EPHA5: variants seen among roughly 807,000 people sequenced by gnomAD.
EPHA5 encodes EPH receptor A5, also known as ephrin type-A receptor 5.
A neutral mutation model predicts 105.0 loss-of-function variants in EPHA5; 60 were observed. The ratio of observed to expected loss-of-function variants is 0.57; its 90% confidence interval spans 0.46 to 0.71. The LOEUF (loss-of-function observed/expected upper bound fraction) is 0.71. EPHA5 is among the 30% of genes least tolerant of loss of function. The pLI, the probability that EPHA5 is intolerant of heterozygous loss-of-function variation, is 0.00. For synonymous variants in EPHA5, 513 were observed against 449.1 expected, an observed-to-expected ratio of 1.14 and a Z score of -1.80; for missense variants, 1,218 against 1,274.7, an observed-to-expected ratio of 0.96 and a Z score of 0.68.
intron 5 of EPHA5, among the ~76,000 whole-genome samples, chr4:65,479,278 A>G (rs1425547685): frequency 6.6e-6 from 1 of 152,180 alleles, no homozygotes; most frequent in South Asian, 2.1e-4. Flanking sequence ...AGGCCCTGTG[A>G]TATTTACGTA....
At chr4:65,640,632 A>T (rs1482406192) in intron 2 of EPHA5, among the ~76,000 whole-genome samples, 1 of 152,164 alleles carries the variant, frequency 6.6e-6, no homozygotes, top group Admixed American at 6.5e-5. Context: ...GCTTAGACAG[A>T]ATATTTTGTT....
chr4:65,546,812 T>C (rs1438319293), intron 3 of EPHA5, among the ~76,000 whole-genome samples: 13 of 151,620 alleles, frequency 8.6e-5, no homozygotes, highest in African/African-American at 3.2e-4. Context: ...AACCATTGAG[T>C]TCTCATTAAT....
At chr4:65,615,993 T>C (rs955157639) in intron 2 of EPHA5, among the ~76,000 whole-genome samples, 2 of 151,992 alleles carry the variant, frequency 1.3e-5, no homozygotes, top group African/African-American at 4.8e-5. Context: ...TGAATGTTCA[T>C]AGCAGTTTTG....
At chr4:65,458,783 G>C (rs1054272355) in intron 5 of EPHA5, among the ~76,000 whole-genome samples, 1 of 151,950 alleles carries the variant, frequency 6.6e-6, no homozygotes, top group African/African-American at 2.4e-5. Context: ...CAAGCCTACA[G>C]TAAATATTAC....
chr4:65,336,297 C>T (rs923976362), intron 14 of EPHA5, among the ~76,000 whole-genome samples, 172 bp from the exon 15 acceptor site: 8 of 151,998 alleles, frequency 5.3e-5, no homozygotes, highest in African/African-American at 1.9e-4. Context: ...CAAAATACAA[C>T]ATAAAATAAA....
chr4:65,616,718 A>G (rs1236337256), intron 2 of EPHA5, among the ~76,000 whole-genome samples: 3 of 152,038 alleles, frequency 2.0e-5, no homozygotes, highest in Admixed American at 1.3e-4. Context: ...TCAAAGGCAC[A>G]TTCATTTTTT....
intron 8 of EPHA5, chr4:65,377,057 G>A (rs781591015): frequency 3.2e-5 from 52 of 1,607,668 alleles, no homozygotes; most frequent in East Asian, 8.9e-5. Flanking sequence ...AGCCACATTC[G>A]CAGCAACTGA....
At chr4:65,420,270 T>A (rs1723813805) in intron 6 of EPHA5, among the ~76,000 whole-genome samples, 171 bp downstream of exon 6, 1 of 152,112 alleles carries the variant, frequency 6.6e-6, no homozygotes, top group Admixed American at 6.6e-5. Context: ...CAGCAGAACA[T>A]GAATAGAGAG....
intron 3 of EPHA5, among the ~76,000 whole-genome samples, chr4:65,496,983 T>A (rs1412789866): frequency 6.6e-6 from 1 of 152,206 alleles, no homozygotes; most frequent in East Asian, 1.9e-4. Flanking sequence ...GTGGATTTTC[T>A]ACATGTTCAT....
intron 8 of EPHA5, among the ~76,000 whole-genome samples, chr4:65,374,236 G>A (rs768215093): frequency 1.4e-4 from 21 of 151,868 alleles, no homozygotes; most frequent in Non-Finnish European, 2.1e-4. Context: ...AACTTTAGGC[G>A]TCTGAGTTTC....
intron 1 of EPHA5, among the ~76,000 whole-genome samples, chr4:65,657,819 G>A (rs1336158321): frequency 6.8e-6 from 1 of 147,982 alleles, no homozygotes; most frequent in Admixed American, 6.9e-5. Flanking sequence ...ATTCCATATG[G>A]AATAGCGAGC....
At chr4:65,375,937 T>C (rs1718959230) in intron 8 of EPHA5, among the ~76,000 whole-genome samples, 1 of 151,954 alleles carries the variant, frequency 6.6e-6, no homozygotes, top group African/African-American at 2.4e-5. Flanking sequence ...TTTACCTTCA[T>C]ATTAAACTTT....
rs79534174 is a variant in EPHA5, at chr4:65,322,331, A to C, written c.*1783T>G. On this transcript the variant is annotated 3_prime_UTR_variant, in exon 17 of 17. Coordinates refer to ENST00000613740, the MANE Select transcript of EPHA5 (RefSeq NM_001281766.3). ...CCAAAAGTTTATTCTTATATGTGCTAATATTCAAATAAAACAAGTGCTTGG... is the reference window on the plus strand; with the variant it reads ...CCAAAAGTTTATTCTTATATGTGCTCATATTCAAATAAAACAAGTGCTTGG... 0.089 allele frequency: 20,047 copies of C among 224,204 alleles called. 1,040 individuals are homozygous for C. Among genetic ancestry groups the C allele is most frequent in the Non-Finnish European group, 0.11 (11,920 of 112,208 alleles). The allele number at this position is 224,204 out of a possible 1,614,324, so 13.9% of individuals were successfully genotyped here.
chr4:65,338,224 T>C (rs1457480638), intron 14 of EPHA5, among the ~76,000 whole-genome samples: 2 of 152,122 alleles, frequency 1.3e-5, no homozygotes, highest in Non-Finnish European at 2.9e-5. Context: ...CATAGATCGA[T>C]AGAAGTTTAT....
intron 2 of EPHA5, among the ~76,000 whole-genome samples, chr4:65,602,680 G>T (rs1743855233): frequency 6.6e-6 from 1 of 151,862 alleles, no homozygotes; most frequent in South Asian, 2.1e-4. Flanking sequence ...TTTGAATAAA[G>T]TTCAGCATAT....
Position 65,420,576 on chromosome 4 carries a change from G to A in EPHA5, c.1403-11C>T. The A allele has an allele frequency of 6.2e-7, 1 of 1,611,026 alleles. No individual in the cohort carries two copies. Among genetic ancestry groups the A allele is most frequent in the Non-Finnish European group, 8.5e-7 (1 of 1,178,726 alleles). ...TGACTGGAGATGGAGCTGCAAAATAGTTTAAATAAGGAGCAGTATGATTAA... is the reference window on the plus strand; with the variant it reads ...TGACTGGAGATGGAGCTGCAAAATAATTTAAATAAGGAGCAGTATGATTAA... On this transcript the variant is annotated splice_polypyrimidine_tract_variant and intron_variant, in intron 5 of 16. Transcript: ENST00000613740.
intron 1 of EPHA5, among the ~76,000 whole-genome samples, chr4:65,659,319 G>GAAAAA (rs5858980): frequency 4.2e-5 from 3 of 71,600 alleles, no homozygotes; most frequent in Admixed American, 1.7e-4. Flanking sequence ...TAGAGTAACA[G>GAAAAA]AAAAAAAAAA....
chr4:65,500,303 T>C (rs944621351), intron 3 of EPHA5, among the ~76,000 whole-genome samples: 2 of 151,300 alleles, frequency 1.3e-5, no homozygotes, highest in Non-Finnish European at 1.5e-5. Context: ...CATATTGACA[T>C]GTTTCATGAG....
At chr4:65,517,412 T>C (rs1194323825) in intron 3 of EPHA5, among the ~76,000 whole-genome samples, 2 of 151,934 alleles carry the variant, frequency 1.3e-5, no homozygotes, top group African/African-American at 2.4e-5. Flanking sequence ...TTCAGAATAT[T>C]CATTTATTTT....
Sources: gnomAD v4.1 joint callset for allele counts (sites outside exome capture counted in the v4.1 genomes callset) on GRCh38, gnomAD v4.1.1 for gene constraint, MANE v1.5 for transcripts, NCBI Gene and HGNC (gene_info 2026-07-23, HGNC 2026-07-21) for gene names.